TEX13B: variants seen among roughly 807,000 people sequenced by gnomAD.
TEX13B encodes the protein testis expressed 13B, also known as testis-expressed protein 13B.
In TEX13B, 5 loss-of-function variants were observed where a neutral mutation model predicts 11.2. That is an observed-to-expected ratio of 0.44 (90% CI 0.23 to 0.93). TEX13B has a LOEUF of 0.93. Ranked by LOEUF, TEX13B falls within the 40% of genes least tolerant of loss-of-function variation. TEX13B has a pLI of 0.23. For synonymous variants in TEX13B, 115 were observed against 100.9 expected (o/e 1.14, Z -0.84); for missense variants, 213 against 244.2 (o/e 0.87, Z 0.85).
chrX:107,982,036 C>A lies in TEX13B; in HGVS notation c.92G>T (p.Gly31Val), dbSNP rs1350780377. 3 of 1,209,974 alleles carry A rather than the reference C, an allele frequency of 2.5e-6. No individual in the cohort carries two copies. Among genetic ancestry groups the A allele is most frequent in the African/African-American group, 3.5e-5 (2 of 57,237 alleles). ...TATATTCTCGAAGTAGAACTCGGGGCCTTTCGTGTGCCTGGCCATTTTCTC... is the reference window on the plus strand; with the variant it reads ...TATATTCTCGAAGTAGAACTCGGGGACTTTCGTGTGCCTGGCCATTTTCTC... ...IIEKMARHTK[G>V]PEFYFENISL... Residue 31 changes from glycine (G) to valine (V), a missense_variant, in exon 2 of 3, where the codon GGC (glycine) becomes GTC (valine). By Grantham distance (109) the Gly-to-Val change is moderately radical. Transcript: ENST00000302917.
chrX:107,982,248 A>G (rs1933775236), intron 1 of TEX13B, 62 bp downstream of exon 1: 1 of 706,762 alleles, frequency 1.4e-6, no homozygotes, highest in Non-Finnish European at 2.0e-6. Context: ...CTCTGACAAG[A>G]CCCTCCTAAT....
chrX:107,981,252 G>A lies in TEX13B; in HGVS notation c.767C>T (p.Ala256Val), dbSNP rs1933759089. ...STNSHVCLLWAWVHSLTGASS... is the reference protein window; with the variant it reads ...STNSHVCLLWVWVHSLTGASS... ...GGCTCCAGTGAGACTGTGGACCCAA[G>A]CCCAGAGAAGACAGACATGGCTGTT... Residue 256 changes from alanine to valine, a missense_variant, in exon 3 of 3, where the codon GCT becomes GTT. Coordinates refer to ENST00000302917, the MANE Select transcript of TEX13B (RefSeq NM_031273.2). The A allele has an allele frequency of 8.3e-7, 1 of 1,210,022 alleles. No individual in the cohort carries two copies. Among genetic ancestry groups the A allele is most frequent in the South Asian group, 1.8e-5 (1 of 56,801 alleles).
Sources: gnomAD v4.1 joint callset for allele counts on GRCh38, gnomAD v4.1.1 for gene constraint, MANE v1.5 for transcripts, NCBI Gene and HGNC (gene_info 2026-07-23, HGNC 2026-07-21) for gene names.